DOCK6: variants seen among roughly 807,000 people sequenced by gnomAD.
DOCK6 encodes the protein dedicator of cytokinesis 6, also known as dedicator of cytokinesis protein 6.
In DOCK6, 167 loss-of-function variants were observed where a neutral mutation model predicts 230.3. That is an observed-to-expected ratio of 0.73 (90% CI 0.64 to 0.82). The LOEUF (loss-of-function observed/expected upper bound fraction) is 0.82, where lower values mean the gene tolerates loss of function less well. Ranked by LOEUF, DOCK6 falls within the 40% of genes least tolerant of loss-of-function variation. The pLI, the probability that DOCK6 is intolerant of heterozygous loss-of-function variation, is 0.00. For missense variants in DOCK6, 2,598 were observed against 2,825.8 expected (o/e 0.92, Z 1.83); for synonymous variants, 1,148 against 1,185.0 (o/e 0.97, Z 0.64).
In DOCK6 at chr19:11,252,170, C is replaced by T. The variant is rs750732084; in HGVS notation, c.456G>A (p.Gln152=). ...CTCCAGAAGCATCCTGCTCAAAGAC[C>T]TGGCGGGGGAGGCCCTTCTGTCGCT... ...QRERQKGLPR[Q]VFEQDASGDE... is the part of the protein sequence containing the mutation. The change falls in exon 5 of 48, where the codon CAG becomes CAA. Residue 152 remains glutamine, a synonymous_variant. Transcript: ENST00000294618. The T allele has an allele frequency of 1.1e-5, 17 of 1,585,522 alleles. No individual in the cohort carries two copies. In the Admixed American group the frequency reaches 1.6e-4, roughly 15 times the overall value.
At chr19:11,229,657 G>T (rs1399168641) in intron 22 of DOCK6, among the ~76,000 whole-genome samples, 1 of 151,974 alleles carries the variant, frequency 6.6e-6, no homozygotes, top group African/African-American at 2.4e-5. Flanking sequence ...GGGCAGTGGA[G>T]GCAGGGACAA....
chr19:11,231,952 C>T (rs2079771849), intron 22 of DOCK6, among the ~76,000 whole-genome samples: 1 of 152,180 alleles, frequency 6.6e-6, no homozygotes, highest in Admixed American at 6.5e-5. Context: ...TTGCATATTA[C>T]CCCTGTGCCT....
chr19:11,230,538 G>C (rs1351637349), intron 22 of DOCK6, among the ~76,000 whole-genome samples: 1 of 152,060 alleles, frequency 6.6e-6, no homozygotes, highest in African/African-American at 2.4e-5. Context: ...CAGCAAGAAT[G>C]TGTGTGGCCA....
chr19:11,240,259 G>A, intron 14 of DOCK6: 1 of 1,585,212 alleles, frequency 6.3e-7, no homozygotes, highest in Non-Finnish European at 8.6e-7. Flanking sequence ...AGGAGCGCCT[G>A]GCTGGGCCCT....
At position 11,240,277 on chromosome 19, in the gene DOCK6, G is replaced by A. The variant is rs34056604; in HGVS notation, c.1643+1768C>T. The A allele has an allele frequency of 1.2e-3, 1,949 of 1,582,504 alleles. 16 individuals carry two copies. The African/African-American group carries it at 0.02, about 16-fold the overall frequency. On this transcript the variant is annotated intron_variant, in intron 14 of 47. Coordinates refer to ENST00000294618, the MANE Select transcript of DOCK6 (RefSeq NM_020812.4). ...AGCGCCTGGCTGGGCCCTGCCTACCGAGAATTTGAGGTCTTAAAGGTAAGG... is the reference window on the plus strand; with the variant it reads ...AGCGCCTGGCTGGGCCCTGCCTACCAAGAATTTGAGGTCTTAAAGGTAAGG...
intron 41 of DOCK6, chr19:11,203,844 T>A: frequency 5.1e-6 from 3 of 586,980 alleles, no homozygotes; most frequent in Non-Finnish European, 8.9e-6. Flanking sequence ...GGGAGGGGTG[T>A]CTCTGGAGAG....
At position 11,201,106 on chromosome 19, in the gene DOCK6, C is replaced by G; in HGVS notation, c.5689-54G>C. ...CGCTGGGGCCTGAGGAGGTCCTGATCGAAGCCAGTCGGGGGCAGCTCAGAC... is the reference window on the plus strand; with the variant it reads ...CGCTGGGGCCTGAGGAGGTCCTGATGGAAGCCAGTCGGGGGCAGCTCAGAC... On this transcript the variant is annotated intron_variant, in intron 44 of 47. Coordinates refer to ENST00000294618, the MANE Select transcript of DOCK6 (RefSeq NM_020812.4). The surrounding 1 kb of genome is among the most constrained non-coding windows in gnomAD (Gnocchi z 4.3). 1 of 1,595,792 alleles carries G rather than the reference C, an allele frequency of 6.3e-7. No individual in the cohort carries two copies. Among genetic ancestry groups the G allele is most frequent in the Non-Finnish European group, 8.5e-7 (1 of 1,173,178 alleles).
At position 11,214,628 on chromosome 19, in the gene DOCK6, G is replaced by C; in HGVS notation, c.4128C>G (p.His1376Gln). ...CCAGGTTCCCTTCCACCAAGGCCTC[G>C]TGTTCCATTTCATCCTTGGTCCTGG... ...RVDKTKDEME[H>Q]EALVEGNLAT... The change falls in exon 33 of 48, where the codon CAC (histidine) becomes CAG (glutamine). Residue 1376 changes from histidine to glutamine, a missense_variant. Transcript: ENST00000294618. The C allele has an allele frequency of 6.2e-7, 1 of 1,613,692 alleles. No homozygotes were observed. Among genetic ancestry groups the C allele is most frequent in the Non-Finnish European group, 8.5e-7 (1 of 1,179,846 alleles).
At chr19:11,251,149 G>A in intron 5 of DOCK6, 63 bp from the exon 6 acceptor site, 1 of 1,480,518 alleles carries the variant, frequency 6.8e-7, no homozygotes, top group South Asian at 1.2e-5. Flanking sequence ...TCACTCTGGT[G>A]AGAGTGTCCT....
In DOCK6 at chr19:11,236,710, C is replaced by G. The variant is rs575393820; in HGVS notation, c.2160+83G>C. 1.4e-5 allele frequency: 22 copies of G among 1,523,766 alleles called. No individual in the cohort carries two copies. In the South Asian group the frequency reaches 2.6e-4, roughly 18 times the overall value. 94.4% of individuals were successfully genotyped at this position (1,523,766 alleles called of 1,614,324 possible). On this transcript the variant is annotated intron_variant, in intron 19 of 47. Coordinates refer to ENST00000294618, the MANE Select transcript of DOCK6 (RefSeq NM_020812.4). The surrounding 1 kb of genome is among the most constrained non-coding windows in gnomAD (Gnocchi z 5.2). ...TCCAAGGCCTGAGGCCAGACCTCCC[C>G]GGCCATCGGCAACTGTTACTCAATC...
Position 11,238,528 on chromosome 19 carries a change from T to A in DOCK6, c.1644-224A>T, listed in dbSNP as rs554471237. On this transcript the variant is annotated intron_variant, in intron 14 of 47. Coordinates refer to ENST00000294618, the MANE Select transcript of DOCK6 (RefSeq NM_020812.4). ...CAAGCGAGCACCCTAAAAACACAGA[T>A]TGGGAACAGTGTGGTAGAGGGTGGG... The A allele has an allele frequency of 2.0e-4, 112 of 557,138 alleles. 1 individual carries two copies. In the South Asian group the frequency reaches 2.3e-3, roughly 12 times the overall value. The allele number at this position is 557,138 out of a possible 1,614,324, so 34.5% of individuals were successfully genotyped here.
At chr19:11,254,790 C>G (rs1342959627) in intron 1 of DOCK6, among the ~76,000 whole-genome samples, 3 of 152,140 alleles carry the variant, frequency 2.0e-5, no homozygotes, top group Non-Finnish European at 2.9e-5. Flanking sequence ...ATGGCTCAGC[C>G]CTCCAATTCC....
At chr19:11,247,756 C>T (rs1162150225) in intron 7 of DOCK6, 15 of 273,758 alleles carry the variant, frequency 5.5e-5, no homozygotes, top group South Asian at 4.9e-4. Context: ...ATGGTCTTGG[C>T]GTCATGTCAC....
At position 11,216,892 on chromosome 19, in the gene DOCK6, TCTC is replaced by T; in HGVS notation, c.3894+19_3894+21del. ...CATCCTTAGCCTGCCTCCTCCATCA[TCTC>T]CTGCCCACGCCCTCAAACCTTGTAC... On this transcript the variant is annotated intron_variant, in intron 30 of 47. Transcript: ENST00000294618. 1 of 1,612,196 alleles carries T rather than the reference TCTC, an allele frequency of 6.2e-7. No homozygotes were observed.
At position 11,262,384 on chromosome 19, in the gene DOCK6, G is replaced by A. The variant is rs1461079587; in HGVS notation, c.44+13C>T. On this transcript the variant is annotated intron_variant, in intron 1 of 47. Transcript: ENST00000294618. ...CGTGGGGGAGGTGGGAGGGGGCCCCGCGGCCACACTACCTGTTGATCTTGT... is the reference window on the plus strand; with the variant it reads ...CGTGGGGGAGGTGGGAGGGGGCCCCACGGCCACACTACCTGTTGATCTTGT... 3 of 1,279,082 alleles carry A rather than the reference G, an allele frequency of 2.3e-6. No homozygotes were observed. The highest frequency in any genetic ancestry group is 3.1e-5 in the East Asian group (1 of 32,020). 79.2% of individuals were successfully genotyped at this position (1,279,082 alleles called of 1,614,324 possible).
Position 11,250,965 on chromosome 19 carries a change from G to A in DOCK6, c.629C>T (p.Ala210Val), listed in dbSNP as rs779753968. Residue 210 changes from alanine to valine, a missense_variant, in exon 6 of 48, where the codon GCG becomes GTG. Ala to Val is a moderately conservative substitution (Grantham distance 64). Transcript: ENST00000294618. ...GCGCCGGTCCACATCTTCTGGGGCC[G>A]CCCGCTCTAGCAGAGAGGGCAGCAA... ...DSLLPSLLER[A>V]APEDVDRRNE... 6 of 1,613,670 alleles carry A rather than the reference G, an allele frequency of 3.7e-6. No individual in the cohort carries two copies. Among genetic ancestry groups the A allele is most frequent in the Non-Finnish European group, 4.2e-6 (5 of 1,179,824 alleles).
intron 35 of DOCK6, among the ~76,000 whole-genome samples, 199 bp from the exon 36 acceptor site, chr19:11,212,350 T>C (rs1282426350): frequency 1.3e-5 from 2 of 152,086 alleles, no homozygotes; most frequent in Non-Finnish European, 2.9e-5. Context: ...CAGGCAATTC[T>C]CCTGCCTCAG....
Position 11,245,717 on chromosome 19 carries a change from GGACACCAGAGGCA to G in DOCK6, c.874-18_874-6del, listed in dbSNP as rs1201041077. 6.2e-7 allele frequency: 1 copy of G among 1,604,406 alleles called. No individual in the cohort carries two copies. The highest frequency in any genetic ancestry group is 8.5e-7 in the Non-Finnish European group (1 of 1,174,324). On this transcript the variant is annotated splice_region_variant and splice_polypyrimidine_tract_variant and intron_variant, in intron 8 of 47. Coordinates refer to ENST00000294618, the MANE Select transcript of DOCK6 (RefSeq NM_020812.4). ...GAAGTAGAAGTTCTCCGAGATCTGG[GGACACCAGAGGCA>G]GCTGGGCCACCACCTCTGGGAAGCC...
intron 32 of DOCK6, 75 bp from the exon 33 acceptor site, chr19:11,214,724 C>T (rs1600871394): frequency 4.8e-6 from 7 of 1,445,256 alleles, no homozygotes; most frequent in Non-Finnish European, 6.7e-6. Flanking sequence ...TCTCCTTCCC[C>T]TGGCAGCCCA....
Sources: gnomAD v4.1 joint callset for allele counts (sites outside exome capture counted in the v4.1 genomes callset) on GRCh38, gnomAD v4.1.1 for gene constraint, Gnocchi (gnomAD v3.1) non-coding constraint, MANE v1.5 for transcripts, NCBI Gene and HGNC (gene_info 2026-07-23, HGNC 2026-07-21) for gene names.